CNGB3: variants seen among roughly 807,000 people sequenced by gnomAD.
CNGB3 encodes the protein cyclic nucleotide-gated channel beta-3.
A neutral mutation model predicts 92.8 loss-of-function variants in CNGB3; 86 were observed. That is an observed-to-expected ratio of 0.93 (90% CI 0.78 to 1.11). The LOEUF (loss-of-function observed/expected upper bound fraction) is 1.11. Ranked by LOEUF, CNGB3 falls within the 50% of genes least tolerant of loss-of-function variation. The pLI is 0.00. For missense variants in CNGB3, 1,026 were observed against 956.8 expected (o/e 1.07, Z -0.95); for synonymous variants, 333 against 332.7 (o/e 1.00, Z -0.01).
At chr8:86,592,321 G>A (rs1207799885) in intron 15 of CNGB3, among the ~76,000 whole-genome samples, 2 of 152,226 alleles carry the variant, frequency 1.3e-5, no homozygotes, top group Non-Finnish European at 2.9e-5. Flanking sequence ...CAGGCTGGGA[G>A]CTGTAGACTG....
intron 8 of CNGB3, 108 bp downstream of exon 8, chr8:86,647,693 G>A (rs1383056054): frequency 5.7e-6 from 4 of 704,204 alleles, no homozygotes; most frequent in African/African-American, 3.6e-5. Flanking sequence ...GAAAAATTAA[G>A]AATATTGATC....
At chr8:86,614,120 A>G (rs1822571256) in intron 13 of CNGB3, among the ~76,000 whole-genome samples, 1 of 151,278 alleles carries the variant, frequency 6.6e-6, no homozygotes, top group Non-Finnish European at 1.5e-5. Context: ...ACTTTCTCAT[A>G]CTGGAAGTGG....
intron 3 of CNGB3, among the ~76,000 whole-genome samples, chr8:86,694,076 G>A (rs1586020737): frequency 4.2e-5 from 4 of 95,270 alleles, no homozygotes; most frequent in Non-Finnish European, 6.6e-5. Context: ...GGGCGGGGGG[G>A]CTGACCCCCC....
chr8:86,633,530 C>A (rs1447346010), intron 10 of CNGB3, among the ~76,000 whole-genome samples: 1 of 152,148 alleles, frequency 6.6e-6, no homozygotes, highest in Non-Finnish European at 1.5e-5. Context: ...TGTTTTCCCC[C>A]AGAGCAATAG....
intron 14 of CNGB3, among the ~76,000 whole-genome samples, chr8:86,606,363 C>T (rs1019924690): frequency 6.6e-6 from 1 of 151,938 alleles, no homozygotes; most frequent in Non-Finnish European, 1.5e-5. Context: ...GTTGTCCAGG[C>T]TTGTCTTGAA....
intron 11 of CNGB3, among the ~76,000 whole-genome samples, chr8:86,630,451 G>A (rs1032571971): frequency 6.6e-6 from 1 of 152,210 alleles, no homozygotes; most frequent in Admixed American, 6.6e-5. Context: ...TGTTGTTGCA[G>A]GAGTTGAGGA....
intron 3 of CNGB3, among the ~76,000 whole-genome samples, chr8:86,699,032 G>C (rs1442990777): frequency 1.3e-5 from 2 of 152,068 alleles, no homozygotes; most frequent in African/African-American, 4.8e-5. Flanking sequence ...CTAGGTGCTG[G>C]GTTTATTTTT....
chr8:86,610,464 G>T (rs779758711), intron 14 of CNGB3, among the ~76,000 whole-genome samples: 5 of 146,866 alleles, frequency 3.4e-5, no homozygotes, highest in Non-Finnish European at 7.4e-5. Context: ...TCTTTTACTT[G>T]GTGTACTCCA....
rs1554618417 is a variant in CNGB3 at position 86,726,604 on chromosome 8, G to A, written c.265C>T (p.Gln89Ter). The stretch of plus-strand genomic sequence containing the variant: ...GTTCCAGTTGGTTCTGCTGCATTTT[G>A]AGGGTCAGGGTTTGTGGTCAGATCT... Reference protein sequence around the residue: ...SGDLTTNPDPQNAAEPTGTVP... With the variant: ...SGDLTTNPDP Residue 89 changes from glutamine (Q) to a stop codon, truncating the protein, a stop_gained, in exon 3 of 18, where the codon CAA becomes TAA. Transcript: ENST00000320005. LOFTEE classifies it high-confidence loss of function. 1 of 1,613,794 alleles carries A rather than the reference G, an allele frequency of 6.2e-7. No homozygotes were observed. Among genetic ancestry groups the A allele is most frequent in the Non-Finnish European group, 8.5e-7 (1 of 1,179,818 alleles).
intron 3 of CNGB3, 39 bp downstream of exon 3, chr8:86,726,492 T>C (rs764828450): frequency 1.2e-6 from 2 of 1,612,934 alleles, no homozygotes; most frequent in Admixed American, 3.3e-5. Flanking sequence ...GGCTGAGCAA[T>C]ATCTCTAAAA....
At chr8:86,627,442 C>T (rs1246262416) in intron 12 of CNGB3, among the ~76,000 whole-genome samples, 1 of 152,200 alleles carries the variant, frequency 6.6e-6, no homozygotes, top group African/African-American at 2.4e-5. Context: ...TTTTAAGAGG[C>T]TTAAAAGTGT....
intron 7 of CNGB3, among the ~76,000 whole-genome samples, chr8:86,648,131 G>A (rs544491891): frequency 2.6e-5 from 4 of 151,176 alleles, no homozygotes; most frequent in East Asian, 3.9e-4. Flanking sequence ...CTCCTTAGGC[G>A]TTGCATTTAC....
At chr8:86,693,467 T>C (rs1217827317) in intron 3 of CNGB3, among the ~76,000 whole-genome samples, 5 of 134,644 alleles carry the variant, frequency 3.7e-5, no homozygotes, top group African/African-American at 1.4e-4. Context: ...TTATTTTTAT[T>C]GATTATTCTT....
chr8:86,589,530 T>A (rs2131544506), intron 15 of CNGB3, among the ~76,000 whole-genome samples: 1 of 152,224 alleles, frequency 6.6e-6, no homozygotes, highest in East Asian at 1.9e-4. Context: ...GAGATTCTGG[T>A]ATGTTGCGTC....
At chr8:86,608,261 C>T (rs1412339902) in intron 14 of CNGB3, among the ~76,000 whole-genome samples, 2 of 152,216 alleles carry the variant, frequency 1.3e-5, no homozygotes, top group Non-Finnish European at 2.9e-5. Flanking sequence ...GACATAGGAG[C>T]TGAGGGGACA....
intron 3 of CNGB3, among the ~76,000 whole-genome samples, chr8:86,711,480 T>G (rs1338829130): frequency 6.6e-6 from 1 of 152,178 alleles, no homozygotes; most frequent in Non-Finnish European, 1.5e-5. Context: ...CTTCTTTCTA[T>G]GCCAAAAGAA....
chr8:86,638,825 T>C (rs1431333404), intron 10 of CNGB3, among the ~76,000 whole-genome samples: 1 of 151,510 alleles, frequency 6.6e-6, no homozygotes, highest in Non-Finnish European at 1.5e-5. Context: ...TTCTTTGCTC[T>C]GGGTTTTTTT....
chr8:86,639,190 G>A (rs149334637), intron 10 of CNGB3, among the ~76,000 whole-genome samples: 4 of 151,616 alleles, frequency 2.6e-5, no homozygotes, highest in Admixed American at 2.6e-4. Flanking sequence ...TTAGGGACTG[G>A]GACTGTGGAT....
chr8:86,687,894 T>C (rs184470541), intron 3 of CNGB3, among the ~76,000 whole-genome samples: 3 of 152,098 alleles, frequency 2.0e-5, no homozygotes, highest in Admixed American at 2.0e-4. Context: ...GAAATAGATA[T>C]CCAAATATGT....
Sources: gnomAD v4.1 joint callset for allele counts (sites outside exome capture counted in the v4.1 genomes callset) on GRCh38, gnomAD v4.1.1 for gene constraint, MANE v1.5 for transcripts, NCBI Gene and HGNC (gene_info 2026-07-23, HGNC 2026-07-21) for gene names.